The following CDH8 variants were observed in gnomAD, a reference collection of about 807,000 sequenced individuals.
CDH8 encodes cadherin-8.
In CDH8, 17 loss-of-function variants were observed where a neutral mutation model predicts 68.1. That is an observed-to-expected ratio of 0.25 (90% CI 0.17 to 0.37). CDH8 has a LOEUF of 0.37. Among genes scored for constraint, CDH8 ranks in the 10% least tolerant of loss-of-function variants. The pLI, the probability that CDH8 is intolerant of heterozygous loss-of-function variation, is 1.00. For missense variants in CDH8, 763 were observed against 999.3 expected (o/e 0.76, Z 3.19); for synonymous variants, 372 against 365.1 (o/e 1.02, Z -0.21).
intron 7 of CDH8, among the ~76,000 whole-genome samples, chr16:61,813,291 G>A (rs1596990060): frequency 1.3e-5 from 2 of 152,280 alleles, no homozygotes; most frequent in East Asian, 3.9e-4. Context: ...GAAAGGACTG[G>A]GGATAGGCAT....
intron 10 of CDH8, among the ~76,000 whole-genome samples, chr16:61,680,873 A>G (rs1002616452): frequency 6.6e-6 from 1 of 151,994 alleles, no homozygotes; most frequent in Non-Finnish European, 1.5e-5. Context: ...AAGAACAAAT[A>G]AATGTGCCAA....
intron 2 of CDH8, among the ~76,000 whole-genome samples, chr16:62,004,872 A>G: frequency 6.6e-6 from 1 of 152,250 alleles, no homozygotes; most frequent in Middle Eastern, 3.2e-3. Context: ...GGTGGAAGAG[A>G]AAAGTTTCCC....
intron 8 of CDH8, among the ~76,000 whole-genome samples, chr16:61,781,742 A>G (rs7196175): frequency 0.55 from 83,894 of 152,108 alleles, 25,579 homozygotes; most frequent in African/African-American, 0.83. Flanking sequence ...AATAGATACA[A>G]CTTTTCTGAG....
intron 2 of CDH8, among the ~76,000 whole-genome samples, chr16:62,004,132 T>C (rs1283711819): frequency 6.6e-6 from 1 of 152,172 alleles, no homozygotes. Flanking sequence ...ATGACAAAAA[T>C]GTCCAAGGCG....
chr16:61,897,127 A>G (rs1257136583), intron 3 of CDH8, among the ~76,000 whole-genome samples: 1 of 149,798 alleles, frequency 6.7e-6, no homozygotes, highest in Non-Finnish European at 1.5e-5. Flanking sequence ...AATTCTATAT[A>G]CAACATATAT....
chr16:61,998,187 G>T (rs527335771), intron 2 of CDH8, among the ~76,000 whole-genome samples: 1 of 152,140 alleles, frequency 6.6e-6, no homozygotes, highest in Non-Finnish European at 1.5e-5. Flanking sequence ...ATTAGGAAAT[G>T]ATAAAATGAA....
chr16:61,821,616 C>A (rs986326421), intron 5 of CDH8, among the ~76,000 whole-genome samples: 1 of 152,032 alleles, frequency 6.6e-6, no homozygotes, highest in African/African-American at 2.4e-5. Context: ...AATTACTGAA[C>A]TTCTGCTGTG....
At chr16:61,787,900 A>G (rs1420122372) in intron 8 of CDH8, among the ~76,000 whole-genome samples, 13 of 115,710 alleles carry the variant, frequency 1.1e-4, no homozygotes, top group Non-Finnish European at 2.0e-4. Flanking sequence ...ATGAGATCAC[A>G]TGGACACAGG....
At chr16:61,720,304 T>C (rs925652413) in intron 9 of CDH8, among the ~76,000 whole-genome samples, 1 of 150,980 alleles carries the variant, frequency 6.6e-6, no homozygotes, top group Non-Finnish European at 1.5e-5. Context: ...CTACCTACAG[T>C]CAATTTGACT....
At chr16:61,749,811 T>C (rs1316904900) in intron 8 of CDH8, among the ~76,000 whole-genome samples, 5 of 152,110 alleles carry the variant, frequency 3.3e-5, no homozygotes, top group Admixed American at 3.3e-4. Flanking sequence ...ACCTTTCTCC[T>C]TAGCCATGAT....
chr16:61,699,950 A>C (rs188121509), intron 10 of CDH8, among the ~76,000 whole-genome samples: 2 of 152,300 alleles, frequency 1.3e-5, no homozygotes, highest in Admixed American at 1.3e-4. Flanking sequence ...GTGCTTTATT[A>C]ATGGAAATAT....
chr16:61,768,096 GGTT>G (rs895748981), intron 8 of CDH8, among the ~76,000 whole-genome samples: 2 of 151,840 alleles, frequency 1.3e-5, no homozygotes, highest in African/African-American at 4.8e-5. Context: ...TTATTATTAT[GGTT>G]GTTATTATTG....
At chr16:61,854,736 G>T (rs1238437924) in intron 4 of CDH8, among the ~76,000 whole-genome samples, 1 of 152,016 alleles carries the variant, frequency 6.6e-6, no homozygotes, top group Non-Finnish European at 1.5e-5. Context: ...AATAAAAAAT[G>T]TTAAACAATG....
At chr16:61,953,471 G>C (rs574111340) in intron 2 of CDH8, among the ~76,000 whole-genome samples, 1 of 151,644 alleles carries the variant, frequency 6.6e-6, no homozygotes, top group Non-Finnish European at 1.5e-5. Context: ...GTCATATTAT[G>C]AAGAGAACAT....
intron 8 of CDH8, among the ~76,000 whole-genome samples, chr16:61,733,614 T>C (rs1959597663): frequency 6.6e-6 from 1 of 152,016 alleles, no homozygotes; most frequent in African/African-American, 2.4e-5. Flanking sequence ...ATAAAATCGT[T>C]CCTTGATATA....
chr16:62,010,755 A>G (rs553804386), intron 2 of CDH8, among the ~76,000 whole-genome samples: 1 of 152,230 alleles, frequency 6.6e-6, no homozygotes, highest in East Asian at 1.9e-4. Flanking sequence ...CCTGACCAAC[A>G]TGGAGAAACA....
At chr16:61,959,443 A>C (rs1024110032) in intron 2 of CDH8, among the ~76,000 whole-genome samples, 2 of 151,988 alleles carry the variant, frequency 1.3e-5, no homozygotes, top group Admixed American at 6.6e-5. Flanking sequence ...AGGATTCATC[A>C]AAGCATAGGG....
chr16:61,665,382 T>C (rs1438312257), intron 10 of CDH8, among the ~76,000 whole-genome samples: 4 of 151,990 alleles, frequency 2.6e-5, no homozygotes, highest in Non-Finnish European at 5.9e-5. Flanking sequence ...AAAATGAGTT[T>C]CTGAGCAAAC....
intron 2 of CDH8, among the ~76,000 whole-genome samples, chr16:61,959,508 C>CCCTG (rs1965043465): frequency 7.0e-6 from 1 of 143,190 alleles, no homozygotes; most frequent in Non-Finnish European, 1.5e-5. Flanking sequence ...CAAAAGCCAG[C>CCCTG]CCTGCCTTAT....
Sources: allele counts gnomAD v4.1 joint callset (sites outside exome capture counted in the v4.1 genomes callset), GRCh38; gene constraint gnomAD v4.1.1; transcripts MANE v1.5; gene names NCBI Gene and HGNC (gene_info 2026-07-23, HGNC 2026-07-21).